SLC12A2: variants seen among roughly 807,000 people sequenced by gnomAD.
SLC12A2 encodes solute carrier family 12 member 2, also known as Na-K-2Cl cotransporter 1.
A neutral mutation model predicts 136.3 loss-of-function variants in SLC12A2; 67 were observed. That is an observed-to-expected ratio of 0.49 (90% confidence interval 0.40 to 0.60). The LOEUF (loss-of-function observed/expected upper bound fraction) is 0.60. SLC12A2 is among the 20% of genes least tolerant of loss of function. The pLI is 0.00. For synonymous variants in SLC12A2, 619 were observed against 562.9 expected (o/e 1.10, Z -1.41); for missense variants, 1,322 against 1,534.7 (o/e 0.86, Z 2.32).
At chr5:128,121,857 TAG>T (rs1761594064) in intron 4 of SLC12A2, among the ~76,000 whole-genome samples, 3 of 152,328 alleles carry the variant, frequency 2.0e-5, no homozygotes, top group East Asian at 1.9e-4. Context: ...TTGGATTTTA[TAG>T]AGTTTCCACG....
chr5:128,131,094 G>C lies in SLC12A2; in HGVS notation c.1076G>C (p.Ser359Thr). The C allele has an allele frequency of 6.2e-7, 1 of 1,613,900 alleles. No individual in the cohort carries two copies. The highest frequency in any genetic ancestry group is 8.5e-7 in the Non-Finnish European group (1 of 1,179,814). The stretch of plus-strand genomic sequence containing the variant: ...GGAGCATATTATTTAATATCTAGAA[G>C]TCTAGGGCCAGAATTTGGTGGTGCA... Reference protein sequence around the residue: ...GGGAYYLISRSLGPEFGGAIG... With the variant: ...GGGAYYLISRTLGPEFGGAIG... Residue 359 changes from serine to threonine, a missense_variant, in exon 5 of 27, where the codon AGT becomes ACT. This residue lies in a region of SLC12A2 where 71 missense variants were observed against 131.0 expected (regional missense o/e 0.54). Coordinates refer to ENST00000262461, the MANE Select transcript of SLC12A2 (RefSeq NM_001046.3).
intron 1 of SLC12A2, among the ~76,000 whole-genome samples, chr5:128,088,252 G>A (rs1760177655): frequency 6.6e-6 from 1 of 152,050 alleles, no homozygotes; most frequent in Non-Finnish European, 1.5e-5. Flanking sequence ...AAATAGCCTG[G>A]AGAGCAGTGT....
chr5:128,182,791 T>C (rs1763745754), intron 23 of SLC12A2, 64 bp from the exon 24 acceptor site: 4 of 1,120,712 alleles, frequency 3.6e-6, no homozygotes, highest in South Asian at 1.4e-5. Context: ...TTTTTAGATA[T>C]ATGGATTCAG....
intron 10 of SLC12A2, among the ~76,000 whole-genome samples, chr5:128,146,981 C>G (rs1482937603): frequency 6.6e-6 from 1 of 150,814 alleles, no homozygotes; most frequent in African/African-American, 2.4e-5. Flanking sequence ...TATGAGATCT[C>G]CATGGGAGAA....
chr5:128,187,641 A>G lies in SLC12A2; in HGVS notation c.*1010A>G, dbSNP rs1040686290. On this transcript the variant is annotated 3_prime_UTR_variant, in exon 27 of 27. Coordinates refer to ENST00000262461, the MANE Select transcript of SLC12A2 (RefSeq NM_001046.3). ...AAATAATGTTTCATCAAATGGTTAA[A>G]TGGACCACTGGTTTCTTAGAGAAAT... 6.6e-6 allele frequency: 1 copy of G among 152,604 alleles called. No homozygotes were observed. 9.5% of individuals were successfully genotyped at this position (152,604 alleles called of 1,614,324 possible).
intron 1 of SLC12A2, chr5:128,111,014 T>C (rs1761123824): frequency 2.8e-6 from 2 of 726,042 alleles, no homozygotes; most frequent in South Asian, 2.9e-5. Flanking sequence ...AAATAACTTC[T>C]ATTAAAATAA....
chr5:128,181,666 A>T (rs1422399088), intron 23 of SLC12A2, among the ~76,000 whole-genome samples: 1 of 152,164 alleles, frequency 6.6e-6, no homozygotes, highest in Non-Finnish European at 1.5e-5. Context: ...GCTACCTGCC[A>T]TAGAAAATCT....
intron 4 of SLC12A2, among the ~76,000 whole-genome samples, chr5:128,120,335 T>TTAC (rs1448852810): frequency 2.6e-3 from 330 of 127,356 alleles, no homozygotes; most frequent in East Asian, 5.3e-3. Context: ...GAAATACCAT[T>TTAC]TGACCCAGCC....
chr5:128,171,765 A>T lies in SLC12A2; in HGVS notation c.2803+19A>T. The T allele has an allele frequency of 1.4e-6, 2 of 1,454,294 alleles. No individual in the cohort carries two copies. The highest frequency in any genetic ancestry group is 1.9e-6 in the Non-Finnish European group (2 of 1,066,230). The allele number at this position is 1,454,294 out of a possible 1,614,324, so 90.1% of individuals were successfully genotyped here. A position where few individuals can be genotyped will look rare whatever the true frequency, so the allele number is the denominator to read the frequency against. ...GGACAAGGTAAATTTTGTTGGCAAT[A>T]AGTTTTTTATTTACAAAAATATAAA... On this transcript the variant is annotated intron_variant, in intron 19 of 26. Transcript: ENST00000262461.
At chr5:128,109,468 CGA>C (rs2126665258) in intron 1 of SLC12A2, 1 of 480,066 alleles carries the variant, frequency 2.1e-6, no homozygotes, top group South Asian at 1.9e-5. Flanking sequence ...TGGATCATTT[CGA>C]GAGTCCGTCT....
intron 14 of SLC12A2, 85 bp from the exon 15 acceptor site, chr5:128,152,621 A>G (rs1388636967): frequency 1.2e-6 from 1 of 838,870 alleles, no homozygotes; most frequent in Admixed American, 1.8e-5. Flanking sequence ...ATGTGAAAGC[A>G]TGTTTAATTC....
chr5:128,155,146 G>A (rs1294450359), intron 15 of SLC12A2, among the ~76,000 whole-genome samples: 1 of 152,078 alleles, frequency 6.6e-6, no homozygotes, highest in Non-Finnish European at 1.5e-5. Flanking sequence ...GCTGGATAAA[G>A]GGAGAATTTA....
Position 128,151,308 on chromosome 5 carries a change from A to G in SLC12A2, c.2175A>G (p.Ile725Met). 1 of 1,612,782 alleles carries G rather than the reference A, an allele frequency of 6.2e-7. No homozygotes were observed. Among genetic ancestry groups the G allele is most frequent in the Non-Finnish European group, 8.5e-7 (1 of 1,179,270 alleles). Residue 725 changes from isoleucine (I) to methionine (M), a missense_variant, in exon 14 of 27, where the codon ATA becomes ATG. Around this residue, in one of 8 missense-constraint regions of SLC12A2, gnomAD observed 294 missense variants for 436.6 expected, o/e 0.67. Transcript: ENST00000262461. ...ISLLGAILCC[I>M]VMFVINWWAA... ...TTCTTGGAGCAATTCTTTGTTGCAT[A>G]GTAATGTTCGTCATTAACTGGTGGG...
In SLC12A2 at chr5:128,152,706, A is replaced by G. The variant is rs768183886; in HGVS notation, c.2264A>G (p.Asp755Gly). The G allele has an allele frequency of 3.8e-6, 6 of 1,593,476 alleles. No homozygotes were observed. In the Admixed American group the frequency reaches 6.7e-5, roughly 18 times the overall value. ...LYIYVTYKKP[D>G]VNWGSSTQAL... The stretch of plus-strand genomic sequence containing the variant: ...CTGCATGAACATTATCTTCCCACAG[A>G]TGTGAATTGGGGATCCTCTACACAA... Residue 755 changes from aspartate to glycine, a missense_variant and splice_region_variant, in exon 15 of 27, where the codon GAT (aspartate) becomes GGT (glycine). By Grantham distance (94) the Asp-to-Gly change is moderately conservative. This residue lies in a region of SLC12A2 where 294 missense variants were observed against 436.6 expected (regional missense o/e 0.67). Transcript: ENST00000262461.
At chr5:128,147,867 G>T in intron 11 of SLC12A2, 138 bp downstream of exon 11, 1 of 450,064 alleles carries the variant, frequency 2.2e-6, no homozygotes, top group Non-Finnish European at 3.9e-6. Flanking sequence ...TGCACATAAA[G>T]ATATACATAG....
intron 7 of SLC12A2, among the ~76,000 whole-genome samples, chr5:128,138,084 T>G (rs1762243944): frequency 6.6e-6 from 1 of 152,030 alleles, no homozygotes; most frequent in Admixed American, 6.6e-5. Flanking sequence ...ACCACAGGCA[T>G]GTGCCACCAC....
Position 128,084,485 on chromosome 5 carries a change from G to T in SLC12A2, c.531G>T (p.Thr177=). ...TGAGCTTCCAGAACGGCGGGGACAC[G>T]GTGCTGAGCGAGGGCAGCAGCCTGC... The part of the protein sequence containing the change: ...PNVSFQNGGD[T]VLSEGSSLHS... Residue 177 remains threonine, a synonymous_variant, in exon 1 of 27, where the codon ACG becomes ACT. Transcript: ENST00000262461. This position sits in a 1 kb window ranked among gnomAD's most constrained non-coding sequence, Gnocchi z 5.6. The T allele has an allele frequency of 6.2e-7, 1 of 1,609,914 alleles. No homozygotes were observed. Among genetic ancestry groups the T allele is most frequent in the Non-Finnish European group, 8.5e-7 (1 of 1,179,094 alleles).
chr5:128,165,745 AGTT>A (rs1401711355), intron 17 of SLC12A2, among the ~76,000 whole-genome samples: 2 of 152,148 alleles, frequency 1.3e-5, no homozygotes, highest in Admixed American at 1.3e-4. Flanking sequence ...GAGTACAGCA[AGTT>A]GTTATTGTTA....
At chr5:128,129,302 G>T (rs1327357957) in intron 4 of SLC12A2, among the ~76,000 whole-genome samples, 1 of 151,992 alleles carries the variant, frequency 6.6e-6, no homozygotes, top group Non-Finnish European at 1.5e-5. Context: ...TTATACTATT[G>T]TAGGGATTTT....
Sources: allele counts gnomAD v4.1 joint callset (sites outside exome capture counted in the v4.1 genomes callset), GRCh38; gene constraint gnomAD v4.1.1; regional missense constraint gnomAD v4.1.1; non-coding constraint Gnocchi (gnomAD v3.1); transcripts MANE v1.5; gene names NCBI Gene and HGNC (gene_info 2026-07-23, HGNC 2026-07-21).